CEP295: variants seen among roughly 807,000 people sequenced by gnomAD.
CEP295 encodes centrosomal protein of 295 kDa.
A neutral mutation model predicts 291.6 loss-of-function variants in CEP295; 190 were observed. The observed-to-expected ratio is 0.65, with a 90% CI of 0.58 to 0.73. The LOEUF is 0.73. Ranked by LOEUF, CEP295 falls within the 30% of genes least tolerant of loss-of-function variation. CEP295 has a pLI of 0.00. For missense variants in CEP295, 2,863 were observed against 2,949.4 expected, an observed-to-expected ratio of 0.97 and a Z score of 0.68; for synonymous variants, 993 against 1,038.8, an observed-to-expected ratio of 0.96 and a Z score of 0.85.
At chr11:93,719,740 A>C (rs899582771) in intron 18 of CEP295, 2 of 152,202 alleles carry the variant, frequency 1.3e-5, no homozygotes, top group African/African-American at 2.4e-5. Context: ...AATAATTAAT[A>C]ATTGTTACAT....
In CEP295 at chr11:93,696,987, C is replaced by T. The variant is rs1217555412; in HGVS notation, c.2075C>T (p.Thr692Ile). ...FPQRQVETTE[T>I]LRASDILTNQ... is the part of the protein sequence containing the mutation. Reference sequence around the variant, plus strand: ...CAAAGACAGGTGGAAACAACAGAAACATTACGCGCTTCAGATATTTTAACC... The same window carrying T: ...CAAAGACAGGTGGAAACAACAGAAATATTACGCGCTTCAGATATTTTAACC... The change falls in exon 15 of 30, where the codon ACA becomes ATA. Residue 692 changes from threonine to isoleucine, a missense_variant. Physicochemically the swap from Thr to Ile is moderately conservative, Grantham distance 89. Around this residue, in one of 3 missense-constraint regions of CEP295, gnomAD observed 2,295 missense variants for 2,335.7 expected, o/e 0.98. Coordinates refer to ENST00000325212, the MANE Select transcript of CEP295 (RefSeq NM_033395.2). The T allele has an allele frequency of 1.9e-6, 3 of 1,551,504 alleles. No individual in the cohort carries two copies. The highest frequency in any genetic ancestry group is 2.4e-5 in the East Asian group (1 of 40,920).
intron 18 of CEP295, among the ~76,000 whole-genome samples, chr11:93,712,167 T>A (rs1952947967): frequency 6.6e-6 from 1 of 152,172 alleles, no homozygotes. Flanking sequence ...AATTGTTACA[T>A]CCTCTTGCTG....
At chr11:93,668,594 T>C (rs1299051365) in intron 3 of CEP295, among the ~76,000 whole-genome samples, 1 of 152,216 alleles carries the variant, frequency 6.6e-6, no homozygotes, top group African/African-American at 2.4e-5. Context: ...TTTGTAATAA[T>C]GTTAATTGAT....
chr11:93,684,712 C>T (rs1951142453), intron 9 of CEP295, among the ~76,000 whole-genome samples: 1 of 152,184 alleles, frequency 6.6e-6, no homozygotes, highest in African/African-American at 2.4e-5. Context: ...TTCTTCTGTC[C>T]AGCCTGCTGC....
intron 21 of CEP295, chr11:93,723,665 A>G (rs1337330581): frequency 1.2e-5 from 2 of 169,758 alleles, no homozygotes; most frequent in Non-Finnish European, 2.5e-5. Context: ...AATCTTTTAT[A>G]AAAGAGGAAT....
intron 7 of CEP295, among the ~76,000 whole-genome samples, chr11:93,680,669 T>C (rs188030692): frequency 3.3e-5 from 5 of 152,218 alleles, no homozygotes; most frequent in South Asian, 2.1e-4. Context: ...AAATAGTGAC[T>C]GTCATCAATA....
chr11:93,708,733 C>T (rs919538389), intron 18 of CEP295, among the ~76,000 whole-genome samples: 15 of 152,264 alleles, frequency 9.9e-5, no homozygotes, highest in African/African-American at 3.6e-4. Context: ...CTCCAAACTG[C>T]TCTTCATAGT....
chr11:93,693,983 G>A (rs940357430), intron 12 of CEP295, among the ~76,000 whole-genome samples: 1 of 152,064 alleles, frequency 6.6e-6, no homozygotes, highest in African/African-American at 2.4e-5. Flanking sequence ...CCACTCTATG[G>A]ACAGTACAGT....
At position 93,723,173 on chromosome 11, in the gene CEP295, A is replaced by C; in HGVS notation, c.6080A>C (p.His2027Pro). ...CAGCGGCAGAACTCTTCAGACGTTC[A>C]TAAATCTCTGTTGCCTGCAGTGGAT... ...IYQRQNSSDV[H>P]KSLLPAVDET... Residue 2027 changes from histidine to proline, a missense_variant, in exon 21 of 30, where the codon CAT becomes CCT. His to Pro is a moderately conservative substitution (Grantham distance 77). Around this residue, in one of 3 missense-constraint regions of CEP295, gnomAD observed 2,295 missense variants for 2,335.7 expected, o/e 0.98. Coordinates refer to ENST00000325212, the MANE Select transcript of CEP295 (RefSeq NM_033395.2). 1 of 1,552,184 alleles carries C rather than the reference A, an allele frequency of 6.4e-7. No homozygotes were observed. Among genetic ancestry groups the C allele is most frequent in the Non-Finnish European group, 8.7e-7 (1 of 1,147,096 alleles).
In CEP295 at chr11:93,698,415, AAC is replaced by A; in HGVS notation, c.3505_3506del (p.Gln1169ValfsTer11). 1 of 1,552,126 alleles carries A rather than the reference AAC, an allele frequency of 6.4e-7. No individual in the cohort carries two copies. The highest frequency in any genetic ancestry group is 8.7e-7 in the Non-Finnish European group (1 of 1,147,080). The stretch of plus-strand genomic sequence containing the variant: ...CAAGAAAATTTGACAATACTCCAAG[AAC>A]AGTCACAAATACAAAGGGTAATACT... On this transcript the variant is annotated frameshift_variant, in exon 15 of 30. Coordinates refer to ENST00000325212, the MANE Select transcript of CEP295 (RefSeq NM_033395.2). LOFTEE classifies it high-confidence loss of function.
At chr11:93,725,540 C>T (rs1591165273) in intron 22 of CEP295, 111 bp from the exon 23 acceptor site, 2 of 856,684 alleles carry the variant, frequency 2.3e-6, no homozygotes, top group East Asian at 5.7e-5. Flanking sequence ...TCATTGCTGT[C>T]ATAGTGAAGT....
At chr11:93,683,437 A>G in intron 7 of CEP295, 122 bp from the exon 8 acceptor site, 1 of 674,740 alleles carries the variant, frequency 1.5e-6, no homozygotes, top group Non-Finnish European at 2.4e-6. Context: ...TTGGCTGAAC[A>G]AATAATAGAG....
intron 23 of CEP295, chr11:93,726,630 A>C (rs1326834278): frequency 2.4e-5 from 4 of 169,834 alleles, no homozygotes; most frequent in African/African-American, 9.5e-5. Context: ...ACAAGGATGT[A>C]CAAATTATAT....
intron 9 of CEP295, among the ~76,000 whole-genome samples, chr11:93,687,266 T>A (rs2135001051): frequency 6.6e-6 from 1 of 152,214 alleles, no homozygotes; most frequent in East Asian, 1.9e-4. Flanking sequence ...GTGTAGACTA[T>A]AGAACCTCAC....
intron 6 of CEP295, among the ~76,000 whole-genome samples, chr11:93,676,036 AAC>A (rs1950672422): frequency 6.6e-6 from 1 of 152,080 alleles, no homozygotes; most frequent in Admixed American, 6.5e-5. Flanking sequence ...AATTCATTAT[AAC>A]CTTTATTTAA....
At position 93,702,801 on chromosome 11, in the gene CEP295, GAGA is replaced by G; in HGVS notation, c.5482_5484del (p.Arg1828del). 1 of 1,551,978 alleles carries G rather than the reference GAGA, an allele frequency of 6.4e-7. No homozygotes were observed. The stretch of plus-strand genomic sequence containing the variant: ...GTGAGCATCTGGAGAAAGATCTGGG[GAGA>G]AGATCCTCAAAGCCACCTGTAGCAA... On this transcript the variant is annotated inframe_deletion, in exon 17 of 30. Transcript: ENST00000325212.
At chr11:93,669,121 G>A (rs1321174710) in intron 4 of CEP295, among the ~76,000 whole-genome samples, 189 bp downstream of exon 4, 1 of 152,086 alleles carries the variant, frequency 6.6e-6, no homozygotes, top group African/African-American at 2.4e-5. Flanking sequence ...TAACTAATGA[G>A]CTTTCTTTTC....
At chr11:93,707,850 T>C (rs887460859) in intron 18 of CEP295, among the ~76,000 whole-genome samples, 1 of 152,230 alleles carries the variant, frequency 6.6e-6, no homozygotes, top group African/African-American at 2.4e-5. Flanking sequence ...CTATACAAGA[T>C]ACCTTACTTG....
chr11:93,727,956 C>A (rs571368865), intron 24 of CEP295: 1 of 199,464 alleles, frequency 5.0e-6, no homozygotes, highest in Non-Finnish European at 1.0e-5. Flanking sequence ...ACAAAAGATC[C>A]TTTTTCTCCC....
Sources: gnomAD v4.1 joint callset for allele counts (sites outside exome capture counted in the v4.1 genomes callset) on GRCh38, gnomAD v4.1.1 for gene constraint, gnomAD v4.1.1 regional missense constraint, MANE v1.5 for transcripts, NCBI Gene and HGNC (gene_info 2026-07-23, HGNC 2026-07-21) for gene names.